The following DGKH variants were observed in gnomAD, a reference collection of about 807,000 sequenced individuals.
The protein encoded by DGKH is diacylglycerol kinase eta, also known as DAG kinase eta.
A neutral mutation model predicts 159.3 loss-of-function variants in DGKH; 90 were observed. The observed-to-expected ratio is 0.57, with a 90% CI of 0.48 to 0.67. The LOEUF (loss-of-function observed/expected upper bound fraction) is 0.67. Ranked by LOEUF, DGKH falls within the 30% of genes least tolerant of loss-of-function variation. DGKH has a pLI of 0.00. For synonymous variants in DGKH, 536 were observed against 553.8 expected, an observed-to-expected ratio of 0.97 and a Z score of 0.45; for missense variants, 1,181 against 1,506.1, an observed-to-expected ratio of 0.78 and a Z score of 3.57.
At chr13:42,053,627 TA>T (rs1881532077) in intron 1 of DGKH, among the ~76,000 whole-genome samples, 1 of 145,652 alleles carries the variant, frequency 6.9e-6, no homozygotes, top group East Asian at 1.9e-4. Context: ...TGTATATATA[TA>T]TATTTTTTTG....
At chr13:42,135,610 T>G (rs746120244) in intron 3 of DGKH, among the ~76,000 whole-genome samples, 11 of 152,084 alleles carry the variant, frequency 7.2e-5, no homozygotes, top group Non-Finnish European at 1.5e-4. Flanking sequence ...TCTTTTTTGT[T>G]GTTCATTTAA....
intron 28 of DGKH, among the ~76,000 whole-genome samples, chr13:42,220,755 G>C (rs567607658): frequency 2.0e-5 from 3 of 152,132 alleles, no homozygotes; most frequent in African/African-American, 7.2e-5. Context: ...ATTGATTGCC[G>C]TTATTATCAG....
chr13:42,063,176 C>G (rs1248005156), intron 1 of DGKH, among the ~76,000 whole-genome samples: 2 of 151,898 alleles, frequency 1.3e-5, no homozygotes, highest in African/African-American at 4.8e-5. Context: ...GTATCTGGAC[C>G]TATTTTTTTT....
chr13:42,174,557 G>C (rs1956552797), intron 12 of DGKH, among the ~76,000 whole-genome samples: 1 of 152,188 alleles, frequency 6.6e-6, no homozygotes, highest in Non-Finnish European at 1.5e-5. Flanking sequence ...GGTGTTTCCT[G>C]TTAGTGTTTA....
At chr13:42,163,856 C>A (rs997709411) in intron 7 of DGKH, among the ~76,000 whole-genome samples, 12 of 152,158 alleles carry the variant, frequency 7.9e-5, no homozygotes, top group Non-Finnish European at 1.5e-4. Context: ...TGCAGAAGCT[C>A]TTTAGTTTAA....
At chr13:42,120,012 C>A (rs1955038268) in intron 1 of DGKH, among the ~76,000 whole-genome samples, 1 of 152,056 alleles carries the variant, frequency 6.6e-6, no homozygotes, top group South Asian at 2.1e-4. Context: ...ATCTTTTGAC[C>A]TCTCTCTATG....
At chr13:42,124,566 C>T (rs1235434636) in intron 1 of DGKH, among the ~76,000 whole-genome samples, 1 of 151,990 alleles carries the variant, frequency 6.6e-6, no homozygotes, top group Non-Finnish European at 1.5e-5. Context: ...CCTTTTAATT[C>T]CTGCTACAGT....
At chr13:42,151,479 GT>G (rs1340894515) in intron 3 of DGKH, among the ~76,000 whole-genome samples, 7 of 9,036 alleles carry the variant, frequency 7.7e-4, no homozygotes, top group Admixed American at 1.4e-3. Context: ...GTATTCCATG[GT>G]GTGTGTGTGT....
At chr13:42,146,712 T>A (rs923336882) in intron 3 of DGKH, among the ~76,000 whole-genome samples, 4 of 152,210 alleles carry the variant, frequency 2.6e-5, no homozygotes, top group African/African-American at 9.7e-5. Context: ...TGTGCACACA[T>A]GCATGCATTT....
At chr13:42,105,809 G>C (rs913139324) in intron 1 of DGKH, among the ~76,000 whole-genome samples, 1 of 152,168 alleles carries the variant, frequency 6.6e-6, no homozygotes, top group Non-Finnish European at 1.5e-5. Flanking sequence ...TCGATATATG[G>C]TTAGCTCCCT....
chr13:42,166,691 A>G lies in DGKH; in HGVS notation c.1118+17A>G, dbSNP rs1370511820. On this transcript the variant is annotated intron_variant, in intron 9 of 29. Transcript: ENST00000337343. ...TCATTTAGGGTAACTGATTATTGAT[A>G]AATCTTATTTGAATACAATGTAGGA... 1 of 1,560,222 alleles carries G rather than the reference A, an allele frequency of 6.4e-7. No homozygotes were observed. The highest frequency in any genetic ancestry group is 1.4e-5 in the African/African-American group (1 of 72,288).
chr13:42,088,987 T>C (rs1053927722), intron 1 of DGKH, among the ~76,000 whole-genome samples: 1 of 152,122 alleles, frequency 6.6e-6, no homozygotes, highest in Non-Finnish European at 1.5e-5. Context: ...TCAGACAAAA[T>C]AGACTTCAGA....
At chr13:42,124,116 A>G (rs562886869) in intron 1 of DGKH, among the ~76,000 whole-genome samples, 1 of 152,302 alleles carries the variant, frequency 6.6e-6, no homozygotes, top group South Asian at 2.1e-4. Context: ...TGGTGATAAC[A>G]TAGATTTTAT....
rs986074483 is a variant in DGKH, at chr13:42,149,394, A to G, written c.385-5897A>G. On this transcript the variant is annotated intron_variant, in intron 3 of 29. Coordinates refer to ENST00000337343, the MANE Select transcript of DGKH (RefSeq NM_178009.5). ...TCTTGTAAGCCATGCCAAGTGGTTT[A>G]GAAGATGACAGGAACCTACTCCACT... is the stretch of plus-strand genomic sequence containing the variant. Among the ~76,000 whole-genome samples, 3 of 152,326 alleles carry G rather than the reference A, an allele frequency of 2.0e-5. No individual in the cohort carries two copies. The South Asian group carries it at 6.2e-4, about 32-fold the overall frequency.
chr13:42,153,612 A>G (rs1955971821), intron 3 of DGKH: 1 of 152,256 alleles, frequency 6.6e-6, no homozygotes, highest in South Asian at 2.1e-4. Context: ...CATTAGAGCC[A>G]GGAGTGTATT....
chr13:42,158,061 G>A (rs1044589255), intron 5 of DGKH, among the ~76,000 whole-genome samples: 1 of 152,160 alleles, frequency 6.6e-6, no homozygotes, highest in Non-Finnish European at 1.5e-5. Context: ...GCCTGGCCTA[G>A]ACGAATATTT....
chr13:42,198,964 C>T (rs1957277960), intron 18 of DGKH, among the ~76,000 whole-genome samples: 1 of 152,064 alleles, frequency 6.6e-6, no homozygotes, highest in Admixed American at 6.6e-5. Context: ...ATCTTTTGGC[C>T]CACACTGATC....
At chr13:42,076,677 A>G (rs1317993322) in intron 1 of DGKH, among the ~76,000 whole-genome samples, 1 of 152,180 alleles carries the variant, frequency 6.6e-6, no homozygotes, top group African/African-American at 2.4e-5. Flanking sequence ...AATGTTGGGA[A>G]TGTAATTATT....
At chr13:42,103,300 G>A (rs971902599) in intron 1 of DGKH, among the ~76,000 whole-genome samples, 3 of 152,120 alleles carry the variant, frequency 2.0e-5, no homozygotes, top group Non-Finnish European at 4.4e-5. Context: ...AATTAAACAC[G>A]TTTCTTCCAT....
Sources: allele counts gnomAD v4.1 joint callset (sites outside exome capture counted in the v4.1 genomes callset), GRCh38; gene constraint gnomAD v4.1.1; transcripts MANE v1.5; gene names NCBI Gene and HGNC (gene_info 2026-07-23, HGNC 2026-07-21).